CELF4: variants seen among roughly 807,000 people sequenced by gnomAD.
CELF4 encodes CUGBP Elav-like family member 4.
A neutral mutation model predicts 59.9 loss-of-function variants in CELF4; 18 were observed. That is an observed-to-expected ratio of 0.30 (90% CI 0.21 to 0.45). The LOEUF is 0.45. Ranked by LOEUF, CELF4 falls within the 20% of genes least tolerant of loss-of-function variation. The pLI is 1.00. For synonymous variants in CELF4, 261 were observed against 267.1 expected, an observed-to-expected ratio of 0.98 and a Z score of 0.22; for missense variants, 456 against 689.0, an observed-to-expected ratio of 0.66 and a Z score of 3.79.
At chr18:37,485,386 G>A (rs1485183485) in intron 2 of CELF4, 139 bp downstream of exon 2, 1 of 209,624 alleles carries the variant, frequency 4.8e-6, no homozygotes, top group African/African-American at 2.8e-5. Context: ...GGATTTGGGG[G>A]GGCGCGCGGG....
chr18:37,479,719 G>A (rs2099861025), intron 2 of CELF4, among the ~76,000 whole-genome samples: 1 of 152,100 alleles, frequency 6.6e-6, no homozygotes, highest in East Asian at 1.9e-4. Context: ...CCACAGGGCA[G>A]CCCCTTTCTC....
intron 3 of CELF4, among the ~76,000 whole-genome samples, chr18:37,282,297 C>T (rs2094242014): frequency 6.6e-6 from 1 of 152,150 alleles, no homozygotes; most frequent in South Asian, 2.1e-4. Flanking sequence ...GAGAAGCCAA[C>T]AGCATTTTGA....
chr18:37,509,977 A>G (rs2099942410), intron 1 of CELF4, among the ~76,000 whole-genome samples: 1 of 152,180 alleles, frequency 6.6e-6, no homozygotes, highest in Non-Finnish European at 1.5e-5. Flanking sequence ...AGATAGAAAG[A>G]AGATTAGTGG....
chr18:37,266,234 G>A, intron 9 of CELF4: 1 of 525,028 alleles, frequency 1.9e-6, no homozygotes, highest in East Asian at 3.4e-5. Context: ...GGCCCTGGAA[G>A]CTCCATGGGG....
chr18:37,441,335 G>A (rs936553653), intron 2 of CELF4, among the ~76,000 whole-genome samples: 1 of 151,980 alleles, frequency 6.6e-6, no homozygotes, highest in Middle Eastern at 3.4e-3. Context: ...GATGGGAACT[G>A]GGGAGCAGGC....
intron 1 of CELF4, among the ~76,000 whole-genome samples, chr18:37,508,804 G>A (rs1242292598): frequency 6.6e-6 from 1 of 152,226 alleles, no homozygotes; most frequent in Non-Finnish European, 1.5e-5. Context: ...AAGCAGGAGG[G>A]AGGCCTCTTC....
rs1309593886 is a variant in CELF4, at chr18:37,253,829, G to A, written c.1443C>T (p.Asp481=). ...RLKVQLKRPK[D]ANRPY ...CCGGCGCTCAGTACGGGCGATTGGC[G>A]TCTTTGGGCCGCTTCAGCTGCACCT... The change falls in exon 12 of 13, where the codon GAC becomes GAT. Residue 481 remains aspartate, a synonymous_variant. Transcript: ENST00000420428. The surrounding 1 kb of genome is among the most constrained non-coding windows in gnomAD (Gnocchi z 4.5). 1 of 1,605,050 alleles carries A rather than the reference G, an allele frequency of 6.2e-7. No homozygotes were observed. The highest frequency in any genetic ancestry group is 1.7e-5 in the Admixed American group (1 of 59,562).
intron 3 of CELF4, among the ~76,000 whole-genome samples, chr18:37,299,104 T>C (rs2095847129): frequency 1.3e-5 from 2 of 152,216 alleles, no homozygotes; most frequent in Non-Finnish European, 1.5e-5. Flanking sequence ...GAGCAGGCAA[T>C]GCTGGGCCAG....
intron 2 of CELF4, among the ~76,000 whole-genome samples, chr18:37,376,478 C>G (rs932542063): frequency 6.6e-6 from 1 of 152,242 alleles, no homozygotes; most frequent in Non-Finnish European, 1.5e-5. Flanking sequence ...CAATTCTGCT[C>G]TCTCCTGGGT....
At chr18:37,259,866 C>T (rs1238657895) in intron 10 of CELF4, among the ~76,000 whole-genome samples, 1 of 152,206 alleles carries the variant, frequency 6.6e-6, no homozygotes, top group Non-Finnish European at 1.5e-5. Flanking sequence ...TATCCTGCCT[C>T]CTCCTGTGTA....
At chr18:37,532,003 T>C (rs1283979798) in intron 1 of CELF4, among the ~76,000 whole-genome samples, 1 of 152,248 alleles carries the variant, frequency 6.6e-6, no homozygotes, top group East Asian at 1.9e-4. Context: ...CCATCGCCTA[T>C]GGCGCACATT....
In CELF4 at chr18:37,353,232, A is replaced by AT. The variant is rs1364681086; in HGVS notation, c.370-31352_370-31351insA. Among the ~76,000 whole-genome samples the AT allele has an allele frequency of 2.8e-3, 299 of 107,428 alleles. 1 individual carries two copies. The highest frequency in any genetic ancestry group is 8.0e-3 in the African/African-American group (210 of 26,182). The allele number at this position is 107,428 out of a possible 152,430, so 70.5% of individuals were successfully genotyped here. ...TGAGACTCCGTCTCAAAAAAAAAAA[A>AT]AATATATATATATATATACATAAAA... is the stretch of plus-strand genomic sequence containing the variant. On this transcript the variant is annotated intron_variant, in intron 2 of 12. Coordinates refer to ENST00000420428, the MANE Select transcript of CELF4 (RefSeq NM_020180.4).
intron 8 of CELF4, among the ~76,000 whole-genome samples, chr18:37,267,551 C>CT (rs545565367): frequency 9.9e-5 from 15 of 152,108 alleles, no homozygotes; most frequent in Admixed American, 7.2e-4. Context: ...GGATGGAGCC[C>CT]TAGGATGCTT....
At chr18:37,418,842 G>A (rs1317346486) in intron 2 of CELF4, among the ~76,000 whole-genome samples, 2 of 152,332 alleles carry the variant, frequency 1.3e-5, no homozygotes, top group East Asian at 3.9e-4. Flanking sequence ...CTGAATGGGT[G>A]CCTGCTCTCA....
At chr18:37,324,637 T>C (rs2097238683) in intron 2 of CELF4, among the ~76,000 whole-genome samples, 2 of 152,052 alleles carry the variant, frequency 1.3e-5, no homozygotes, top group South Asian at 4.2e-4. Context: ...TTGGGAAGGG[T>C]ACTACAAGGA....
intron 12 of CELF4, among the ~76,000 whole-genome samples, chr18:37,247,755 G>A (rs1039539129): frequency 6.6e-6 from 1 of 152,108 alleles, no homozygotes; most frequent in Non-Finnish European, 1.5e-5. Context: ...TCCATCATGC[G>A]TTGGGGAGGG....
intron 2 of CELF4, among the ~76,000 whole-genome samples, chr18:37,360,643 T>TATA (rs2098689029): frequency 6.6e-6 from 1 of 152,190 alleles, no homozygotes; most frequent in African/African-American, 2.4e-5. Flanking sequence ...AGGCAGGCAG[T>TATA]CTCGTTGCAG....
intron 7 of CELF4, among the ~76,000 whole-genome samples, chr18:37,272,310 A>G (rs2091634124): frequency 6.6e-6 from 1 of 152,074 alleles, no homozygotes; most frequent in South Asian, 2.1e-4. Context: ...TACCCACTAG[A>G]TTTCAGTAGC....
chr18:37,415,466 A>G (rs932227251), intron 2 of CELF4, among the ~76,000 whole-genome samples: 5 of 152,240 alleles, frequency 3.3e-5, no homozygotes, highest in African/African-American at 1.2e-4. Context: ...GCTCAAAGTC[A>G]CGCAGCAACT....
Sources: gnomAD v4.1 joint callset for allele counts (sites outside exome capture counted in the v4.1 genomes callset) on GRCh38, gnomAD v4.1.1 for gene constraint, Gnocchi (gnomAD v3.1) non-coding constraint, MANE v1.5 for transcripts, NCBI Gene and HGNC (gene_info 2026-07-23, HGNC 2026-07-21) for gene names.